Variants in NSMCE4A observed in about 807,000 individuals in gnomAD.
The protein encoded by NSMCE4A is non-structural maintenance of chromosomes element 4 homolog A.
NSMCE4A carries 40 observed loss-of-function variants against 47.9 expected under a neutral mutation model. The observed-to-expected ratio is 0.83, with a 90% CI of 0.65 to 1.09. The LOEUF (loss-of-function observed/expected upper bound fraction) is 1.09. Ranked by LOEUF, NSMCE4A falls within the 50% of genes least tolerant of loss-of-function variation. NSMCE4A has a pLI of 0.00. For synonymous variants in NSMCE4A, 166 were observed against 178.5 expected (o/e 0.93, Z 0.56); for missense variants, 500 against 507.0 (o/e 0.99, Z 0.13).
intron 6 of NSMCE4A, chr10:121,962,164 A>G (rs965782992): frequency 6.8e-5 from 23 of 339,388 alleles, no homozygotes; most frequent in Non-Finnish European, 1.2e-4. Flanking sequence ...CATGCCTGTA[A>G]TCCCAGCACT....
chr10:121,964,047 G>GAT (rs966351648), intron 5 of NSMCE4A, among the ~76,000 whole-genome samples: 1 of 134,976 alleles, frequency 7.4e-6, no homozygotes, highest in Non-Finnish European at 1.5e-5. Context: ...AGTGAGCCGA[G>GAT]ATCGCGCCAC....
At chr10:121,969,501 TAA>T (rs35005382) in intron 3 of NSMCE4A, among the ~76,000 whole-genome samples, 22,785 of 138,184 alleles carry the variant, frequency 0.16, 1,926 homozygotes, top group African/African-American at 0.22. Context: ...AAAAAAAAGT[TAA>T]AAAAAAAAAA....
intron 2 of NSMCE4A, among the ~76,000 whole-genome samples, chr10:121,973,133 C>T (rs147595120): frequency 0.01 from 1,588 of 151,328 alleles, 13 homozygotes; most frequent in Non-Finnish European, 0.015. Context: ...CTACTCGGGA[C>T]GCTGAGGTAG....
intron 6 of NSMCE4A, chr10:121,962,023 T>C: frequency 2.9e-6 from 1 of 342,854 alleles, no homozygotes; most frequent in South Asian, 2.1e-5. Flanking sequence ...GGCAGGAGAA[T>C]TGCTTGAATC....
Position 121,975,151 on chromosome 10 carries a change from G to T in NSMCE4A, c.15C>A (p.Ser5Arg). 7.1e-7 allele frequency: 1 copy of T among 1,402,048 alleles called. No homozygotes were observed. Among genetic ancestry groups the T allele is most frequent in the South Asian group, 1.6e-5 (1 of 63,844 alleles). 86.9% of individuals were successfully genotyped at this position (1,402,048 alleles called of 1,614,324 possible). ...CCCGGCCCTCTGGCCCGCGGCCGCT[G>T]CTGTCCCCAGACATAGCGCCAATTC... Reference protein sequence around the residue: MSGDSSGRGPEGRGR... With the variant: MSGDRSGRGPEGRGR... Residue 5 changes from serine (S) to arginine (R), a missense_variant, in exon 1 of 11, where the codon AGC (serine) becomes AGA (arginine). By Grantham distance (110) the Ser-to-Arg change is moderately radical. Transcript: ENST00000369023.
At chr10:121,965,965 T>G (rs1405141912) in intron 4 of NSMCE4A, 1 of 152,254 alleles carries the variant, frequency 6.6e-6, no homozygotes, top group African/African-American at 2.4e-5. Flanking sequence ...ATGTGGTCCC[T>G]ACCCTTGAGG....
intron 7 of NSMCE4A, 100 bp downstream of exon 7, chr10:121,961,323 A>ATAT: frequency 1.4e-6 from 1 of 715,708 alleles, no homozygotes; most frequent in Admixed American, 3.7e-5. Flanking sequence ...TATACTGGCT[A>ATAT]GTGTATACAG....
chr10:121,965,493 C>A, intron 4 of NSMCE4A, 108 bp from the exon 5 acceptor site: 1 of 758,528 alleles, frequency 1.3e-6, no homozygotes. Context: ...TCAGACCAGA[C>A]ATCAGTGATA....
chr10:121,966,609 T>C (rs1022538919), intron 4 of NSMCE4A: 1 of 152,188 alleles, frequency 6.6e-6, no homozygotes, highest in African/African-American at 2.4e-5. Context: ...CACTACTACA[T>C]TGGCATCTCC....
rs544503217 is a variant in NSMCE4A, at chr10:121,959,761, T to A, written c.989-166A>T. 6.8e-5 allele frequency: 41 copies of A among 603,534 alleles called. No individual in the cohort carries two copies. The East Asian group carries it at 1.1e-3, about 17-fold the overall frequency. 37.4% of individuals were successfully genotyped at this position (603,534 alleles called of 1,614,324 possible). On this transcript the variant is annotated intron_variant, in intron 8 of 10. Coordinates refer to ENST00000369023, the MANE Select transcript of NSMCE4A (RefSeq NM_017615.3). ...GCATTATGGAGCTGCTGTAGTATTATTACAGTAGCCAGTCATTCCATCTGT... is the reference window on the plus strand; with the variant it reads ...GCATTATGGAGCTGCTGTAGTATTAATACAGTAGCCAGTCATTCCATCTGT...
At chr10:121,968,933 T>C (rs1189250194) in intron 3 of NSMCE4A, among the ~76,000 whole-genome samples, 2 of 152,216 alleles carry the variant, frequency 1.3e-5, no homozygotes, top group Non-Finnish European at 2.9e-5. Flanking sequence ...TTATAGTGTC[T>C]ATATTTGATG....
chr10:121,961,122 C>T (rs1424699515), intron 7 of NSMCE4A, among the ~76,000 whole-genome samples: 1 of 152,146 alleles, frequency 6.6e-6, no homozygotes, highest in African/African-American at 2.4e-5. Flanking sequence ...TATTATACAA[C>T]ATGACAACTA....
At chr10:121,974,258 C>T (rs111262138) in intron 1 of NSMCE4A, 177 bp from the exon 2 acceptor site, 9 of 1,411,150 alleles carry the variant, frequency 6.4e-6, no homozygotes, top group African/African-American at 1.4e-5. Context: ...GGCCACCCTA[C>T]CCTTTATGCA....
At position 121,961,464 on chromosome 10, in the gene NSMCE4A, G is replaced by A. The variant is rs201293057; in HGVS notation, c.898C>T (p.Arg300Cys). Residue 300 changes from arginine to cysteine, a missense_variant, in exon 7 of 11, where the codon CGT (arginine) becomes TGT (cysteine). Transcript: ENST00000369023. ...ACATGAAAGATGTTTTCCACTGTACGGGGGAAAGAATGAGGATCAACCACA... is the reference window on the plus strand; with the variant it reads ...ACATGAAAGATGTTTTCCACTGTACAGGGGAAAGAATGAGGATCAACCACA... ...DFVVDPHSFP[R>C]TVENIFHVSF... 50 of 1,577,194 alleles carry A rather than the reference G, an allele frequency of 3.2e-5. No homozygotes were observed. The highest frequency in any genetic ancestry group is 3.1e-4 in the Admixed American group (15 of 47,716).
chr10:121,963,388 T>C, intron 5 of NSMCE4A, 60 bp from the exon 6 acceptor site: 3 of 934,540 alleles, frequency 3.2e-6, no homozygotes, highest in Non-Finnish European at 5.1e-6. Context: ...CGTTTTCTTC[T>C]CTCTTGCACA....
rs750489232 is a variant in NSMCE4A at position 121,961,479 on chromosome 10, G to C, written c.883C>G (p.Pro295Ala). The change falls in exon 7 of 11, where the codon CCT becomes GCT. Residue 295 changes from proline to alanine, a missense_variant. Pro to Ala is a conservative substitution (Grantham distance 27, BLOSUM62 -1). Transcript: ENST00000369023. ...PMSFFDFVVD[P>A]HSFPRTVENI... ...TCCACTGTACGGGGGAAAGAATGAG[G>C]ATCAACCACAAAGTCAAAGAAGGAC... is the stretch of plus-strand genomic sequence containing the variant. 8 of 1,567,546 alleles carry C rather than the reference G, an allele frequency of 5.1e-6. No individual in the cohort carries two copies. The South Asian group carries it at 7.2e-5, about 14-fold the overall frequency.
intron 10 of NSMCE4A, among the ~76,000 whole-genome samples, chr10:121,958,326 G>T (rs1952436980): frequency 6.6e-6 from 1 of 152,162 alleles, no homozygotes; most frequent in South Asian, 2.1e-4. Context: ...ATAGCCGATA[G>T]AATCTAGGTC....
chr10:121,961,371 T>C (rs1035664526), intron 7 of NSMCE4A, 52 bp downstream of exon 7: 21 of 1,258,658 alleles, frequency 1.7e-5, no homozygotes, highest in Non-Finnish European at 2.1e-5. Flanking sequence ...TTTTCTTATG[T>C]AGCCTTTTAA....
intron 3 of NSMCE4A, among the ~76,000 whole-genome samples, chr10:121,969,051 A>G (rs1952656722): frequency 6.6e-6 from 1 of 152,246 alleles, no homozygotes; most frequent in Non-Finnish European, 1.5e-5. Context: ...TGTTATTTAA[A>G]GTACAGAGCT....
Sources: allele counts gnomAD v4.1 joint callset (sites outside exome capture counted in the v4.1 genomes callset), GRCh38; gene constraint gnomAD v4.1.1; transcripts MANE v1.5; gene names NCBI Gene and HGNC (gene_info 2026-07-23, HGNC 2026-07-21).